The following ZFP64 variants were observed in gnomAD, a reference collection of about 807,000 sequenced individuals.
The protein encoded by ZFP64 is zinc finger protein 64.
A neutral mutation model predicts 51.6 loss-of-function variants in ZFP64; 14 were observed. That is an observed-to-expected ratio of 0.27 (90% CI 0.18 to 0.42). The LOEUF is 0.42. ZFP64 is among the 10% of genes least tolerant of loss of function. The pLI, the probability that ZFP64 is intolerant of heterozygous loss-of-function variation, is 1.00. For missense variants in ZFP64, 754 were observed against 906.8 expected, an observed-to-expected ratio of 0.83 and a Z score of 2.16; for synonymous variants, 375 against 361.4, an observed-to-expected ratio of 1.04 and a Z score of -0.43.
chr20:52,151,979 G>A lies in ZFP64; in HGVS notation c.*167C>T, dbSNP rs1327744570. ...TTGAACCTGGGAGGCGGACGTTGCA[G>A]TGAGCCAAGATAGCGCCACTGCACT... is the stretch of plus-strand genomic sequence containing the variant. On this transcript the variant is annotated 3_prime_UTR_variant, in exon 6 of 6. Transcript: ENST00000216923. The A allele has an allele frequency of 8.0e-6, 11 of 1,383,106 alleles. No individual in the cohort carries two copies. The highest frequency in any genetic ancestry group is 5.1e-5 in the East Asian group (2 of 39,142). The allele number at this position is 1,383,106 out of a possible 1,614,324, so 85.7% of individuals were successfully genotyped here. A position where few individuals can be genotyped will look rare whatever the true frequency, so the allele number is the denominator to read the frequency against.
At chr20:52,093,719 G>A (rs2078954393) in intron 7 of ZFP64, among the ~76,000 whole-genome samples, 1 of 152,150 alleles carries the variant, frequency 6.6e-6, no homozygotes, top group South Asian at 2.1e-4. Context: ...ACTAGCTCCT[G>A]ACATTAAATG....
intron 5 of ZFP64, among the ~76,000 whole-genome samples, chr20:52,131,644 A>C (rs1979728558): frequency 1.3e-5 from 2 of 152,208 alleles, no homozygotes; most frequent in African/African-American, 4.8e-5. Context: ...AATGTTTATA[A>C]AGGGGTGAAT....
chr20:52,175,008 TG>T (rs1159280104), intron 2 of ZFP64, among the ~76,000 whole-genome samples: 1 of 152,230 alleles, frequency 6.6e-6, no homozygotes, highest in Non-Finnish European at 1.5e-5. Flanking sequence ...TCCAATGACA[TG>T]CCTTATTTGG....
intron 5 of ZFP64, among the ~76,000 whole-genome samples, chr20:52,099,509 G>A (rs7261729): frequency 0.067 from 10,163 of 152,226 alleles, 395 homozygotes; most frequent in East Asian, 0.12. Context: ...CGACAATATC[G>A]GGACTTTACT....
At chr20:52,183,182 CTT>C (rs1983732702) in intron 2 of ZFP64, among the ~76,000 whole-genome samples, 1 of 152,100 alleles carries the variant, frequency 6.6e-6, no homozygotes, top group South Asian at 2.1e-4. Context: ...AATGCAGACC[CTT>C]TTTTGTGAAG....
At chr20:52,116,198 G>T (rs1350363356) in intron 5 of ZFP64, among the ~76,000 whole-genome samples, 2 of 149,056 alleles carry the variant, frequency 1.3e-5, no homozygotes, top group African/African-American at 5.0e-5. Flanking sequence ...TGCAGTGGTG[G>T]GATCTTGGCT....
At chr20:52,139,856 T>TTC (rs1194286961) in intron 5 of ZFP64, among the ~76,000 whole-genome samples, 1 of 151,324 alleles carries the variant, frequency 6.6e-6, no homozygotes, top group African/African-American at 2.4e-5. Flanking sequence ...TTGTTTTTTT[T>TTC]TTTTTTTTTA....
At chr20:52,184,952 A>G (rs1010706112) in intron 2 of ZFP64, among the ~76,000 whole-genome samples, 1 of 152,302 alleles carries the variant, frequency 6.6e-6, no homozygotes, top group South Asian at 2.1e-4. Flanking sequence ...CTTGACGTAT[A>G]CATACAAAGG....
At position 52,153,554 on chromosome 20, in the gene ZFP64, TA is replaced by T. The variant is rs1981061197; in HGVS notation, c.764-127del. ...GTGCAGACCTCCTAACTGCAGCTTC[TA>T]GCAGCCCCTGGCAGTGGGGGAAGAG... On this transcript the variant is annotated intron_variant, in intron 5 of 5. Transcript: ENST00000216923. This position sits in a 1 kb window ranked among gnomAD's most constrained non-coding sequence, Gnocchi z 5.1. 3 of 1,367,494 alleles carry T rather than the reference TA, an allele frequency of 2.2e-6. No individual in the cohort carries two copies. The highest frequency in any genetic ancestry group is 2.9e-6 in the Non-Finnish European group (3 of 1,038,314). The allele number at this position is 1,367,494 out of a possible 1,614,324, so 84.7% of individuals were successfully genotyped here.
intron 5 of ZFP64, chr20:52,105,462 C>A: frequency 1.1e-6 from 1 of 878,230 alleles, no homozygotes; most frequent in Non-Finnish European, 1.5e-6. Flanking sequence ...GCAGCCCGCG[C>A]CACCTGGGAG....
rs111516602 is a variant in ZFP64 at position 52,116,141 on chromosome 20, C to CTT, written c.764-17556_764-17555dup. 2.7e-3 allele frequency among the ~76,000 whole-genome samples: 383 copies of CTT among 143,544 alleles called. 2 individuals are homozygous for CTT. Among genetic ancestry groups the CTT allele is most frequent in the African/African-American group, 8.9e-3 (346 of 39,074 alleles). The allele number at this position is 143,544 out of a possible 152,430, so 94.2% of individuals were successfully genotyped here. On this transcript the variant is annotated intron_variant, in intron 5 of 8. Transcript: ENST00000361387. ...GAGCCACAGCACCACGTCAATATTTCTTTTTTTTTTTTGAGATGGAGTCTC... is the reference window on the plus strand; with the variant it reads ...GAGCCACAGCACCACGTCAATATTTCTTTTTTTTTTTTTTGAGATGGAGTCTC...
At chr20:52,092,561 G>A (rs6063754) in intron 7 of ZFP64, among the ~76,000 whole-genome samples, 25,497 of 152,196 alleles carry the variant, frequency 0.17, 2,438 homozygotes, top group Non-Finnish European at 0.21. Flanking sequence ...TTAAAAGATC[G>A]AAAACAGGCC....
rs959446363 is a variant in ZFP64 at position 52,160,577 on chromosome 20, T to C, written c.512-203A>G. 3.9e-5 allele frequency among the ~76,000 whole-genome samples: 6 copies of C among 152,202 alleles called. No individual in the cohort carries two copies. Among genetic ancestry groups the C allele is most frequent in the Non-Finnish European group, 8.8e-5 (6 of 68,034 alleles). On this transcript the variant is annotated intron_variant, in intron 4 of 5. Coordinates refer to ENST00000216923, the MANE Select transcript of ZFP64 (RefSeq NM_018197.3). The surrounding 1 kb of genome is among the most constrained non-coding windows in gnomAD (Gnocchi z 4.2). ...TTCCATGTTCCTTATTGGTATTACT[T>C]GAATTTTTAAAATGATGAATATGAA... is the stretch of plus-strand genomic sequence containing the variant.
chr20:52,161,031 G>T (rs1422434291), intron 4 of ZFP64, among the ~76,000 whole-genome samples: 1 of 152,172 alleles, frequency 6.6e-6, no homozygotes, highest in Non-Finnish European at 1.5e-5. Context: ...AGCAGCTGAG[G>T]GTGGCATACC....
At chr20:52,154,243 G>A (rs3787178) in intron 5 of ZFP64, among the ~76,000 whole-genome samples, 52,283 of 152,004 alleles carry the variant, frequency 0.34, 9,892 homozygotes, top group Non-Finnish European at 0.41. Context: ...GATGGCTTCC[G>A]GGATGGCAGG....
At chr20:52,188,880 G>A (rs757190524) in intron 1 of ZFP64, among the ~76,000 whole-genome samples, 26 of 152,028 alleles carry the variant, frequency 1.7e-4, no homozygotes, top group African/African-American at 6.3e-4. Context: ...AGAGGCTGAG[G>A]CAAGAGAATT....
chr20:52,186,500 A>C (rs1600823236), intron 2 of ZFP64, among the ~76,000 whole-genome samples: 1 of 146,146 alleles, frequency 6.8e-6, no homozygotes, highest in African/African-American at 2.5e-5. Flanking sequence ...TACTTCCACC[A>C]CCCAAAACAA....
At chr20:52,128,920 C>CTT (rs11471868) in intron 5 of ZFP64, among the ~76,000 whole-genome samples, 24,800 of 151,664 alleles carry the variant, frequency 0.16, 2,182 homozygotes, top group Non-Finnish European at 0.2. Flanking sequence ...TTTAAATTTT[C>CTT]TTTCTTTTTC....
In ZFP64 at chr20:52,174,447, C is replaced by T. The variant is rs564090494; in HGVS notation, c.287-8422G>A. ...GCAGTGGGCCAAGATCGCGTCATTG[C>T]GCTCCAGCCTGGGCAACAGAGTGAG... On this transcript the variant is annotated intron_variant, in intron 2 of 5. Transcript: ENST00000216923. Among the ~76,000 whole-genome samples the T allele has an allele frequency of 6.3e-5, 9 of 143,550 alleles. No individual in the cohort carries two copies. The East Asian group carries it at 1.2e-3, about 20-fold the overall frequency. 94.2% of individuals were successfully genotyped at this position (143,550 alleles called of 152,430 possible).
Sources: gnomAD v4.1 joint callset for allele counts (sites outside exome capture counted in the v4.1 genomes callset) on GRCh38, gnomAD v4.1.1 for gene constraint, Gnocchi (gnomAD v3.1) non-coding constraint, MANE v1.5 for transcripts, NCBI Gene and HGNC (gene_info 2026-07-23, HGNC 2026-07-21) for gene names.